TCAIM: variants seen among roughly 807,000 people sequenced by gnomAD.
TCAIM encodes the protein T cell activation inhibitor, mitochondrial, also known as T-cell activation inhibitor, mitochondrial.
In TCAIM, 36 loss-of-function variants were observed where a neutral mutation model predicts 58.6. The ratio of observed to expected loss-of-function variants is 0.61; its 90% confidence interval spans 0.47 to 0.81. TCAIM has a LOEUF of 0.81. Among genes scored for constraint, TCAIM ranks in the 30% least tolerant of loss-of-function variants. TCAIM has a pLI of 0.00. For synonymous variants in TCAIM, 172 were observed against 193.6 expected (o/e 0.89, Z 0.93); for missense variants, 466 against 579.6 (o/e 0.80, Z 2.01).
chr3:44,390,734 G>C (rs1414025560), intron 5 of TCAIM, among the ~76,000 whole-genome samples: 1 of 152,222 alleles, frequency 6.6e-6, no homozygotes, highest in Non-Finnish European at 1.5e-5. Flanking sequence ...ATTTTGGCAG[G>C]TCGAGGCAGG....
At chr3:44,352,527 A>G (rs1701112317) in intron 1 of TCAIM, among the ~76,000 whole-genome samples, 1 of 152,192 alleles carries the variant, frequency 6.6e-6, no homozygotes, top group Non-Finnish European at 1.5e-5. Flanking sequence ...GAAAGTAAAG[A>G]GAGTTTCATA....
chr3:44,369,223 G>A (rs979444173), intron 5 of TCAIM, among the ~76,000 whole-genome samples: 3 of 152,154 alleles, frequency 2.0e-5, no homozygotes, highest in African/African-American at 7.2e-5. Context: ...GTGGGACACG[G>A]CACATACAAC....
intron 1 of TCAIM, among the ~76,000 whole-genome samples, chr3:44,351,040 C>T (rs1251645784): frequency 6.6e-6 from 1 of 152,204 alleles, no homozygotes; most frequent in Non-Finnish European, 1.5e-5. Flanking sequence ...GAGTCTCACT[C>T]TCTTGCCCAG....
chr3:44,381,936 A>T (rs1275530486), intron 5 of TCAIM, among the ~76,000 whole-genome samples: 1 of 152,228 alleles, frequency 6.6e-6, no homozygotes, highest in Non-Finnish European at 1.5e-5. Flanking sequence ...AAAGACTTGT[A>T]GTACAATGAA....
At chr3:44,352,653 T>C (rs903271053) in intron 1 of TCAIM, among the ~76,000 whole-genome samples, 1 of 152,218 alleles carries the variant, frequency 6.6e-6, no homozygotes, top group African/African-American at 2.4e-5. Flanking sequence ...GTCCATGCTT[T>C]ACCTTAGGGT....
At chr3:44,393,013 A>G (rs1461719149) in intron 6 of TCAIM, 36 bp downstream of exon 6, 20 of 1,572,684 alleles carry the variant, frequency 1.3e-5, no homozygotes, top group Non-Finnish European at 1.5e-5. Flanking sequence ...TAGAAATTGA[A>G]ATGAATATGA....
chr3:44,407,898 A>G lies in TCAIM; in HGVS notation c.*216A>G, dbSNP rs1042724283. ...TGCCTGCGGTCCCAGCTACTTAGGG[A>G]GGCTAAGATAGGAGGATCACTTGAG... On this transcript the variant is annotated 3_prime_UTR_variant, in exon 11 of 11. Coordinates refer to ENST00000342649, the MANE Select transcript of TCAIM (RefSeq NM_173826.4). The G allele has an allele frequency of 2.4e-6, 1 of 413,290 alleles. No individual in the cohort carries two copies. 25.6% of individuals were successfully genotyped at this position (413,290 alleles called of 1,614,324 possible).
chr3:44,361,533 T>C lies in TCAIM; in HGVS notation c.319+15T>C. Reference sequence around the variant, plus strand: ...TAGTACTTCCGGTACGTTTTTTATTTCTGGTGTGTCCCTTGCAAGCTTAAT... The same window carrying C: ...TAGTACTTCCGGTACGTTTTTTATTCCTGGTGTGTCCCTTGCAAGCTTAAT... On this transcript the variant is annotated intron_variant, in intron 4 of 10. Coordinates refer to ENST00000342649, the MANE Select transcript of TCAIM (RefSeq NM_173826.4). 1 of 1,583,596 alleles carries C rather than the reference T, an allele frequency of 6.3e-7. No individual in the cohort carries two copies. Among genetic ancestry groups the C allele is most frequent in the Non-Finnish European group, 8.6e-7 (1 of 1,168,724 alleles).
intron 5 of TCAIM, among the ~76,000 whole-genome samples, chr3:44,378,284 GC>G (rs1257960704): frequency 6.6e-6 from 1 of 151,942 alleles, no homozygotes; most frequent in African/African-American, 2.4e-5. Flanking sequence ...GGAGGCTGAG[GC>G]ACAAGAATCA....
chr3:44,382,594 A>G (rs1167415950), intron 5 of TCAIM, among the ~76,000 whole-genome samples: 1 of 152,228 alleles, frequency 6.6e-6, no homozygotes, highest in African/African-American at 2.4e-5. Flanking sequence ...AATTAACTCA[A>G]AATGGATCTT....
At chr3:44,351,499 A>AT (rs1282639392) in intron 1 of TCAIM, among the ~76,000 whole-genome samples, 4 of 151,044 alleles carry the variant, frequency 2.6e-5, no homozygotes, top group African/African-American at 9.7e-5. Flanking sequence ...ATTTTATTTT[A>AT]TTTATTTATT....
intron 3 of TCAIM, among the ~76,000 whole-genome samples, chr3:44,360,796 A>C (rs946591929): frequency 1.3e-5 from 2 of 151,904 alleles, no homozygotes; most frequent in Admixed American, 6.6e-5. Flanking sequence ...TGTAGAGTCG[A>C]GGTTTCACCA....
At chr3:44,358,974 C>T (rs1436922579) in intron 3 of TCAIM, 11 of 985,102 alleles carry the variant, frequency 1.1e-5, no homozygotes, top group Non-Finnish European at 1.3e-5. Flanking sequence ...ATTGAATCAA[C>T]AGAAAAATAT....
At chr3:44,377,587 A>G (rs968778482) in intron 5 of TCAIM, among the ~76,000 whole-genome samples, 2 of 152,244 alleles carry the variant, frequency 1.3e-5, no homozygotes, top group African/African-American at 4.8e-5. Flanking sequence ...TCTCGAGTCC[A>G]CATGGAACGT....
intron 5 of TCAIM, among the ~76,000 whole-genome samples, chr3:44,372,276 G>A (rs1405804208): frequency 6.6e-6 from 1 of 152,098 alleles, no homozygotes; most frequent in African/African-American, 2.4e-5. Context: ...ACAAATAATT[G>A]TAAAACTGTT....
rs1427496085 is a variant in TCAIM at position 44,373,802 on chromosome 3, C to A, written c.572+6094C>A. 4.6e-5 allele frequency among the ~76,000 whole-genome samples: 7 copies of A among 152,170 alleles called. No individual in the cohort carries two copies. The East Asian group carries it at 1.2e-3, about 25-fold the overall frequency. ...TGTATTTCTATATTTTGGGTATATT[C>A]TTTGATTATCAAATTATGTTAAAAC... On this transcript the variant is annotated intron_variant, in intron 5 of 10. Coordinates refer to ENST00000342649, the MANE Select transcript of TCAIM (RefSeq NM_173826.4).
chr3:44,363,624 G>A (rs767565503), intron 4 of TCAIM, among the ~76,000 whole-genome samples: 4 of 152,146 alleles, frequency 2.6e-5, no homozygotes, highest in Non-Finnish European at 5.9e-5. Context: ...TGGTTCATGA[G>A]GAAGTAAATG....
intron 2 of TCAIM, among the ~76,000 whole-genome samples, chr3:44,356,471 A>G (rs962433706): frequency 1.3e-5 from 2 of 152,074 alleles, no homozygotes; most frequent in Non-Finnish European, 1.5e-5. Flanking sequence ...AGGTTGAGCC[A>G]AGATCATGCC....
At chr3:44,361,663 T>C in intron 4 of TCAIM, 145 bp downstream of exon 4, 3 of 909,710 alleles carry the variant, frequency 3.3e-6, no homozygotes, top group Non-Finnish European at 4.6e-6. Context: ...TAGAATTAGA[T>C]TCTATTCCTA....
Sources: gnomAD v4.1 joint callset for allele counts (sites outside exome capture counted in the v4.1 genomes callset) on GRCh38, gnomAD v4.1.1 for gene constraint, MANE v1.5 for transcripts, NCBI Gene and HGNC (gene_info 2026-07-23, HGNC 2026-07-21) for gene names.